Variants in AGBL1 observed in about 807,000 individuals in gnomAD.
AGBL1 encodes AGBL carboxypeptidase 1.
AGBL1 carries 130 observed loss-of-function variants against 118.9 expected under a neutral mutation model. That is an observed-to-expected ratio of 1.09 (90% CI 0.95 to 1.26). AGBL1 has a LOEUF of 1.26. Among genes scored for constraint, AGBL1 ranks in the 50% most tolerant of loss-of-function variants. The probability of loss-of-function intolerance (pLI) is 0.00; values close to 1 mark genes in which losing one functional copy is unlikely to be tolerated. For synonymous variants in AGBL1, 555 were observed against 478.9 expected (o/e 1.16, Z -2.08); for missense variants, 1,584 against 1,298.1 (o/e 1.22, Z -3.38).
intron 19 of AGBL1, among the ~76,000 whole-genome samples, chr15:86,532,696 C>G (rs964840747): frequency 6.6e-6 from 1 of 151,686 alleles, no homozygotes; most frequent in Non-Finnish European, 1.5e-5. Flanking sequence ...CATCAGACTA[C>G]CTGACTTCAA....
chr15:86,683,229 A>T (rs1342968208), intron 22 of AGBL1, among the ~76,000 whole-genome samples: 2 of 151,948 alleles, frequency 1.3e-5, no homozygotes, highest in Non-Finnish European at 2.9e-5. Flanking sequence ...GTACATGTAT[A>T]TCTGTGTGTG....
At chr15:86,478,064 T>C (rs2082589167) in intron 18 of AGBL1, among the ~76,000 whole-genome samples, 1 of 152,200 alleles carries the variant, frequency 6.6e-6, no homozygotes, top group Non-Finnish European at 1.5e-5. Flanking sequence ...ATAAATTAGG[T>C]ACTGAAGGGA....
chr15:86,653,417 A>G (rs1032237259), intron 21 of AGBL1, among the ~76,000 whole-genome samples: 28 of 152,300 alleles, frequency 1.8e-4, no homozygotes, highest in African/African-American at 6.5e-4. Flanking sequence ...CTCAAGCCCT[A>G]GCAGGACTTT....
intron 22 of AGBL1, among the ~76,000 whole-genome samples, chr15:86,906,649 TCAGA>T (rs1425702202): frequency 1.3e-5 from 2 of 152,204 alleles, no homozygotes; most frequent in Non-Finnish European, 2.9e-5. Context: ...CATGGCATTC[TCAGA>T]CACTCAGTGA....
intron 18 of AGBL1, among the ~76,000 whole-genome samples, chr15:86,485,446 T>C (rs1168532145): frequency 6.6e-6 from 1 of 152,140 alleles, no homozygotes; most frequent in Non-Finnish European, 1.5e-5. Context: ...CAAGGGCTTA[T>C]AGTAAATATT....
chr15:86,702,805 T>C (rs1596384694), intron 22 of AGBL1, among the ~76,000 whole-genome samples: 1 of 152,142 alleles, frequency 6.6e-6, no homozygotes, highest in African/African-American at 2.4e-5. Context: ...TTTCCAGGAG[T>C]TTCTTAGCTT....
intron 22 of AGBL1, among the ~76,000 whole-genome samples, chr15:86,819,838 A>G (rs2078914665): frequency 6.6e-6 from 1 of 152,162 alleles, no homozygotes; most frequent in Non-Finnish European, 1.5e-5. Context: ...AGCCAAGACA[A>G]TCCTAAGCAA....
chr15:86,635,361 C>G (rs1375938128), intron 21 of AGBL1, among the ~76,000 whole-genome samples: 2 of 143,318 alleles, frequency 1.4e-5, no homozygotes, highest in Admixed American at 7.1e-5. Context: ...TCCTCCTCCT[C>G]CTTCTCTTGC....
At chr15:87,025,149 G>A (rs543876813) in intron 24 of AGBL1, among the ~76,000 whole-genome samples, 4 of 152,096 alleles carry the variant, frequency 2.6e-5, no homozygotes, top group South Asian at 2.1e-4. Context: ...ATAAGAGAAA[G>A]AAATAAAGGG....
At position 86,246,860 on chromosome 15, in the gene AGBL1, C is replaced by G. The variant is rs551074358; in HGVS notation, c.527-811C>G. Among the ~76,000 whole-genome samples, 36 of 152,000 alleles carry G rather than the reference C, an allele frequency of 2.4e-4. 1 individual carries two copies. The highest frequency in any genetic ancestry group is 9.7e-4 in the East Asian group (5 of 5,168). On this transcript the variant is annotated intron_variant, in intron 6 of 22. Transcript: ENST00000614907. The stretch of plus-strand genomic sequence containing the variant: ...TATCTCATTCAGCATCTTCTCCTTC[C>G]CCACCTAACCTGATAGTCAGCTCAA...
intron 21 of AGBL1, among the ~76,000 whole-genome samples, chr15:86,668,033 CAA>C (rs1452132884): frequency 6.6e-6 from 1 of 152,106 alleles, no homozygotes; most frequent in African/African-American, 2.4e-5. Context: ...GTGAGAACAG[CAA>C]GAGAGAGAGG....
intron 22 of AGBL1, among the ~76,000 whole-genome samples, chr15:86,843,604 C>T (rs1430987953): frequency 1.3e-5 from 2 of 152,122 alleles, no homozygotes; most frequent in Non-Finnish European, 2.9e-5. Context: ...GGAAATAAGG[C>T]AACGCCGAAT....
chr15:86,231,484 G>T (rs921289688), intron 6 of AGBL1, among the ~76,000 whole-genome samples: 33 of 152,168 alleles, frequency 2.2e-4, no homozygotes, highest in African/African-American at 6.8e-4. Context: ...AATATTGATA[G>T]ATTTTTGCAT....
In AGBL1 at chr15:86,777,373, C is replaced by T. The variant is rs1056606208; in HGVS notation, c.3158+102937C>T. ...AAAATATTACTCATATAAATTCATA[C>T]TCTTTCTCTTGTGCCTCCCCTTTCC... is the stretch of plus-strand genomic sequence containing the variant. On this transcript the variant is annotated intron_variant, in intron 22 of 22. Coordinates refer to ENST00000614907, the MANE Select transcript of AGBL1 (RefSeq NM_001386094.1). Among the ~76,000 whole-genome samples the T allele has an allele frequency of 5.9e-5, 9 of 152,014 alleles. No homozygotes were observed. The South Asian group carries it at 8.3e-4, about 14-fold the overall frequency.
At chr15:86,940,928 G>A (rs768118713) in intron 23 of AGBL1, among the ~76,000 whole-genome samples, 2 of 152,114 alleles carry the variant, frequency 1.3e-5, no homozygotes, top group South Asian at 2.1e-4. Flanking sequence ...TAAAACCAAT[G>A]TCCTCTGCTC....
At chr15:86,741,977 GTT>G (rs11327636) in intron 22 of AGBL1, among the ~76,000 whole-genome samples, 31 of 144,462 alleles carry the variant, frequency 2.1e-4, no homozygotes, top group African/African-American at 5.5e-4. Flanking sequence ...ATCCACTGGA[GTT>G]TTTTTTTTTT....
chr15:86,744,443 C>T (rs774895527), intron 22 of AGBL1, among the ~76,000 whole-genome samples: 1 of 152,076 alleles, frequency 6.6e-6, no homozygotes, highest in African/African-American at 2.4e-5. Context: ...AAATATCTCC[C>T]TCCCAGTGAC....
chr15:86,498,675 C>A (rs8039685), intron 18 of AGBL1, among the ~76,000 whole-genome samples: 14,053 of 151,820 alleles, frequency 0.093, 2,258 homozygotes, highest in African/African-American at 0.32. Context: ...CTTCATACAT[C>A]CCTGCAATTT....
chr15:86,984,464 C>T (rs917443483), intron 23 of AGBL1, among the ~76,000 whole-genome samples: 2 of 150,960 alleles, frequency 1.3e-5, no homozygotes, highest in African/African-American at 4.9e-5. Flanking sequence ...CCGCTGGGTT[C>T]GAGCAATTCT....
Sources: gnomAD v4.1 joint callset for allele counts (sites outside exome capture counted in the v4.1 genomes callset) on GRCh38, gnomAD v4.1.1 for gene constraint, MANE v1.5 for transcripts, NCBI Gene and HGNC (gene_info 2026-07-23, HGNC 2026-07-21) for gene names.